Variants in DCLK1 observed in about 807,000 individuals in gnomAD.
DCLK1 encodes serine/threonine-protein kinase DCLK1.
DCLK1 carries 16 observed loss-of-function variants against 86.2 expected under a neutral mutation model. The ratio of observed to expected loss-of-function variants is 0.19; its 90% confidence interval spans 0.13 to 0.28. The LOEUF (loss-of-function observed/expected upper bound fraction) is 0.28. Ranked by LOEUF, DCLK1 falls within the 10% of genes least tolerant of loss-of-function variation. DCLK1 has a pLI of 1.00. For synonymous variants in DCLK1, 369 were observed against 370.5 expected (o/e 1.00, Z 0.05); for missense variants, 590 against 940.2 (o/e 0.63, Z 4.87).
intron 7 of DCLK1, among the ~76,000 whole-genome samples, chr13:35,837,203 T>C (rs977913344): frequency 6.6e-6 from 1 of 152,258 alleles, no homozygotes; most frequent in Non-Finnish European, 1.5e-5. Context: ...AATCATCAGA[T>C]ATCTGCATGA....
chr13:35,970,770 G>A (rs1458278815), intron 3 of DCLK1, among the ~76,000 whole-genome samples: 1 of 152,138 alleles, frequency 6.6e-6, no homozygotes. Flanking sequence ...TCAGCCTCGG[G>A]TATTCTGTTA....
intron 3 of DCLK1, among the ~76,000 whole-genome samples, chr13:36,045,377 T>TCTATATATCTATATA (rs568110221): frequency 8.0e-6 from 1 of 125,080 alleles, no homozygotes; most frequent in African/African-American, 2.9e-5. Flanking sequence ...TATATATATA[T>TCTATATATCTATATA]TTCAAGGTAA....
intron 4 of DCLK1, among the ~76,000 whole-genome samples, chr13:35,882,856 T>C (rs901298553): frequency 6.6e-6 from 1 of 152,208 alleles, no homozygotes; most frequent in Non-Finnish European, 1.5e-5. Flanking sequence ...GTGGAATTTA[T>C]ACTCCAGCGG....
At chr13:35,818,749 C>T (rs561547640) in intron 11 of DCLK1, among the ~76,000 whole-genome samples, 1 of 152,062 alleles carries the variant, frequency 6.6e-6, no homozygotes, top group South Asian at 2.1e-4. Flanking sequence ...AGGGTACAAG[C>T]TTGCCATCTA....
At chr13:36,024,265 A>G (rs1881937476) in intron 3 of DCLK1, among the ~76,000 whole-genome samples, 1 of 152,102 alleles carries the variant, frequency 6.6e-6, no homozygotes, top group African/African-American at 2.4e-5. Context: ...AAAGATAGAA[A>G]GGGCATCCAG....
rs1321396520 is a variant in DCLK1, at chr13:35,958,138, C to CCATCACCACCATCACCGCTATAAT, written c.724-10682_724-10681insATTATAGCGGTGATGGTGGTGATG. Among the ~76,000 whole-genome samples, 2 of 138,894 alleles carry CCATCACCACCATCACCGCTATAAT rather than the reference C, an allele frequency of 1.4e-5. 1 individual carries two copies. Among genetic ancestry groups the CCATCACCACCATCACCGCTATAAT allele is most frequent in the African/African-American group, 5.6e-5 (2 of 35,522 alleles). 91.1% of individuals were successfully genotyped at this position (138,894 alleles called of 152,430 possible). A position where few individuals can be genotyped will look rare whatever the true frequency, so the allele number is the denominator to read the frequency against. ...ACCACCACCACTACCACTACTATAA[C>CCATCACCACCATCACCGCTATAAT]CACCACCACCACCACTATAACCATC... On this transcript the variant is annotated intron_variant, in intron 3 of 16. Transcript: ENST00000360631.
rs181807767 is a variant in DCLK1 at position 35,915,644 on chromosome 13, C to T, written c.823+31714G>A. 5.9e-3 allele frequency among the ~76,000 whole-genome samples: 898 copies of T among 152,226 alleles called. 7 individuals carry two copies. Among genetic ancestry groups the T allele is most frequent in the Middle Eastern group, 0.014 (4 of 294 alleles). On this transcript the variant is annotated intron_variant, in intron 4 of 16. Transcript: ENST00000360631. ...AACTTGAGTCCAGAAGTTGAGGCTG[C>T]AGTGAGCTGTGATCACACCACTGCA...
intron 3 of DCLK1, among the ~76,000 whole-genome samples, chr13:35,962,226 G>A (rs1004387257): frequency 6.6e-6 from 1 of 152,134 alleles, no homozygotes; most frequent in Non-Finnish European, 1.5e-5. Flanking sequence ...GACCTTGTTT[G>A]GAAATAGGGT....
chr13:36,017,173 T>C (rs528354145), intron 3 of DCLK1, among the ~76,000 whole-genome samples: 1 of 152,280 alleles, frequency 6.6e-6, no homozygotes, highest in Admixed American at 6.5e-5. Context: ...GAGACAAGGA[T>C]CATAGCAACT....
intron 3 of DCLK1, among the ~76,000 whole-genome samples, chr13:35,955,553 T>A (rs1005439591): frequency 5.9e-5 from 9 of 152,090 alleles, no homozygotes; most frequent in African/African-American, 2.2e-4. Context: ...GATGTCAACA[T>A]AGGAATTTGG....
At chr13:35,978,142 T>C (rs1879442156) in intron 3 of DCLK1, among the ~76,000 whole-genome samples, 1 of 151,924 alleles carries the variant, frequency 6.6e-6, no homozygotes. Flanking sequence ...CACTTGCACA[T>C]TAAGAATCGA....
intron 3 of DCLK1, among the ~76,000 whole-genome samples, chr13:36,032,107 T>C (rs1882303532): frequency 6.6e-6 from 1 of 152,138 alleles, no homozygotes; most frequent in African/African-American, 2.4e-5. Context: ...AAATCAGTTT[T>C]TCTTTTTCTT....
At chr13:36,091,492 T>A (rs1468887776) in intron 3 of DCLK1, among the ~76,000 whole-genome samples, 1 of 152,216 alleles carries the variant, frequency 6.6e-6, no homozygotes, top group Admixed American at 6.5e-5. Flanking sequence ...AAGGGCTTGT[T>A]ATGTGATGAA....
chr13:35,847,501 CAT>C (rs1287125249), intron 6 of DCLK1: 1 of 984,904 alleles, frequency 1.0e-6, no homozygotes, highest in Admixed American at 6.2e-5. Context: ...TATATGGCCA[CAT>C]ATGAAAAATT....
intron 16 of DCLK1, among the ~76,000 whole-genome samples, chr13:35,780,649 T>C (rs1172463575): frequency 2.6e-5 from 4 of 152,172 alleles, no homozygotes; most frequent in South Asian, 2.1e-4. Context: ...AATAAAATGG[T>C]ATAGAGAAAT....
intron 3 of DCLK1, among the ~76,000 whole-genome samples, chr13:35,983,132 A>G (rs1476031092): frequency 2.7e-5 from 4 of 150,800 alleles, no homozygotes; most frequent in African/African-American, 9.8e-5. Flanking sequence ...TATTATTATT[A>G]TTATTATTTT....
intron 5 of DCLK1, 28 bp from the exon 6 acceptor site, chr13:35,854,621 G>A: frequency 6.6e-7 from 1 of 1,517,012 alleles, no homozygotes; most frequent in Non-Finnish European, 8.9e-7. Context: ...CACACACAGA[G>A]AAAAATGGCA....
intron 3 of DCLK1, among the ~76,000 whole-genome samples, chr13:36,094,309 A>T (rs1884929649): frequency 6.6e-6 from 1 of 152,206 alleles, no homozygotes; most frequent in Non-Finnish European, 1.5e-5. Context: ...AACGTGCTTT[A>T]TAAAAGCTGG....
At chr13:35,841,952 A>G (rs1468217808) in intron 6 of DCLK1, among the ~76,000 whole-genome samples, 1 of 152,004 alleles carries the variant, frequency 6.6e-6, no homozygotes, top group South Asian at 2.1e-4. Flanking sequence ...CAGAAATCCC[A>G]GTGGGTGGTC....
Sources: allele counts gnomAD v4.1 joint callset (sites outside exome capture counted in the v4.1 genomes callset), GRCh38; gene constraint gnomAD v4.1.1; transcripts MANE v1.5; gene names NCBI Gene and HGNC (gene_info 2026-07-23, HGNC 2026-07-21).